TTN: variants seen among roughly 807,000 people sequenced by gnomAD.
The protein encoded by TTN is titin.
Under a neutral mutation model 3,223.0 loss-of-function variants are expected in TTN, and 1,525 were observed. That is an observed-to-expected ratio of 0.47 (90% CI 0.45 to 0.49). The LOEUF is 0.49. TTN is among the 20% of genes least tolerant of loss of function. The pLI is 0.00. For missense variants in TTN, 40,786 were observed against 43,424.0 expected (o/e 0.94, Z 5.40); for synonymous variants, 14,094 against 15,161.0 (o/e 0.93, Z 5.17).
rs1159971985 is a variant in TTN at position 178,730,921 on chromosome 2, C to G, written c.17740+4G>C. The G allele has an allele frequency of 6.3e-7, 1 of 1,590,076 alleles. No homozygotes were observed. The highest frequency in any genetic ancestry group is 8.6e-7 in the Non-Finnish European group (1 of 1,167,106). On this transcript the variant is annotated splice_donor_region_variant and intron_variant, in intron 60 of 362. Transcript: ENST00000589042. Reference sequence around the variant, plus strand: ...AATCCTCTCTGTAGAAGAACAATACCAACCTAATACATTAATTCTAGCCTT... The same window carrying G: ...AATCCTCTCTGTAGAAGAACAATACGAACCTAATACATTAATTCTAGCCTT...
At position 178,562,942 on chromosome 2, in the gene TTN, C is replaced by T. The variant is rs1229835465; in HGVS notation, c.83190G>A (p.Met27730Ile). ...AQIEVTSSFT[M>I]LVIDNVTRFD... is the part of the protein sequence containing the mutation. ...ATCTGGTAACATTATCAATCACCAA[C>T]ATTGTAAATGAGCTGGTCACCTCTA... Residue 27730 changes from methionine (M) to isoleucine (I), a missense_variant, in exon 326 of 363, where the codon ATG becomes ATA. Coordinates refer to ENST00000589042, the MANE Select transcript of TTN (RefSeq NM_001267550.2). 2 of 1,613,682 alleles carry T rather than the reference C, an allele frequency of 1.2e-6. No homozygotes were observed. The highest frequency in any genetic ancestry group is 1.7e-4 in the Middle Eastern group (1 of 6,060).
intron 224 of TTN, among the ~76,000 whole-genome samples, 190 bp downstream of exon 224, chr2:178,637,179 A>ATC (rs1318174721): frequency 7.8e-6 from 1 of 128,094 alleles, no homozygotes; most frequent in African/African-American, 3.2e-5. Context: ...ATATATATAT[A>ATC]TATATATATA....
At chr2:178,540,814 AAAAG>A (rs1694093855) in intron 350 of TTN, among the ~76,000 whole-genome samples, 1 of 152,146 alleles carries the variant, frequency 6.6e-6, no homozygotes, top group Admixed American at 6.5e-5. Context: ...ACAAAAAAAC[AAAAG>A]AAAGAAAAAA....
At chr2:178,640,173 A>G in intron 221 of TTN, 63 bp from the exon 222 acceptor site, 1 of 1,505,384 alleles carries the variant, frequency 6.6e-7, no homozygotes, top group Non-Finnish European at 9.1e-7. Flanking sequence ...CACAAAGTCA[A>G]AACTAAAATT....
rs1309076892 is a variant in TTN, at chr2:178,653,315, T to C, written c.38714A>G (p.Glu12905Gly). 6.2e-7 allele frequency: 1 copy of C among 1,612,258 alleles called. No homozygotes were observed. Among genetic ancestry groups the C allele is most frequent in the East Asian group, 2.2e-5 (1 of 44,878 alleles). The change falls in exon 198 of 363, where the codon GAG (glutamate) becomes GGG (glycine). Residue 12905 changes from glutamate to glycine, a missense_variant. Glu to Gly is a moderately conservative substitution (Grantham distance 98, BLOSUM62 -2). Transcript: ENST00000589042. ...TTCAAGGACAACTTCTTTGGGAGCCTCTGGCACTTAAAAGATATTAGTAAA... is the reference window on the plus strand; with the variant it reads ...TTCAAGGACAACTTCTTTGGGAGCCCCTGGCACTTAAAAGATATTAGTAAA... ...KPEVPPVTVP[E>G]APKEVVLEKK...
chr2:178,590,310 T>C lies in TTN; in HGVS notation c.61415A>G (p.His20472Arg), dbSNP rs2154184302. The C allele has an allele frequency of 6.4e-7, 1 of 1,570,712 alleles. No homozygotes were observed. Among genetic ancestry groups the C allele is most frequent in the Non-Finnish European group, 8.6e-7 (1 of 1,159,012 alleles). Residue 20472 changes from histidine (H) to arginine (R), a missense_variant, in exon 304 of 363, where the codon CAT (histidine) becomes CGT (arginine). Coordinates refer to ENST00000589042, the MANE Select transcript of TTN (RefSeq NM_001267550.2). ...AESVIAKDIL[H>R]PPEVELDVTC... ...AACATCAAGTTCTACTTCTGGAGGA[T>C]GAAGGATATCTTTTGCAATCACAGA...
chr2:178,792,388 G>C (rs1414064479), intron 9 of TTN, among the ~76,000 whole-genome samples, 191 bp from the exon 10 acceptor site: 1 of 152,154 alleles, frequency 6.6e-6, no homozygotes, highest in Non-Finnish European at 1.5e-5. Flanking sequence ...TGTAAATTAT[G>C]TAGGCTGCTT....
At chr2:178,556,314 C>T in intron 330 of TTN, 1 of 156,704 alleles carries the variant, frequency 6.4e-6, no homozygotes, top group Non-Finnish European at 1.4e-5. Context: ...GCCTGTAATC[C>T]CAGCTACTCA....
rs755373497 is a variant in TTN at position 178,782,949 on chromosome 2, G to A, written c.2957C>T (p.Ser986Phe). 2 of 1,614,152 alleles carry A rather than the reference G, an allele frequency of 1.2e-6. No individual in the cohort carries two copies. Among genetic ancestry groups the A allele is most frequent in the South Asian group, 1.1e-5 (1 of 91,078 alleles). ...WYREDYQIES[S>F]IDFQITFQSG... ...CTGGAAGGTTATCTGGAAGTCAATG[G>A]AACTTTCGATTTGGTAGTCTTCCCT... Residue 986 changes from serine (S) to phenylalanine (F), a missense_variant, in exon 18 of 363, where the codon TCC (serine) becomes TTC (phenylalanine). Transcript: ENST00000589042.
intron 168 of TTN, 61 bp downstream of exon 168, chr2:178,664,399 A>C (rs2065478623): frequency 7.7e-7 from 1 of 1,297,772 alleles, no homozygotes; most frequent in African/African-American, 1.5e-5. Context: ...AAAACTAGAA[A>C]GGTGGTCCTT....
chr2:178,591,270 G>A lies in TTN; in HGVS notation c.60455C>T (p.Thr20152Ile), dbSNP rs2050136717. The A allele has an allele frequency of 6.8e-6, 11 of 1,613,244 alleles. No homozygotes were observed. Among genetic ancestry groups the A allele is most frequent in the Non-Finnish European group, 8.5e-6 (10 of 1,179,494 alleles). Residue 20152 changes from threonine to isoleucine, a missense_variant, in exon 304 of 363, where the codon ACA becomes ATA. Coordinates refer to ENST00000589042, the MANE Select transcript of TTN (RefSeq NM_001267550.2). ...TTTGCTACCGGCTGCATTGGAAACT[G>A]TGATTTGATATTCCCCAGTGTCTCT... ...LRRDTGEYQI[T>I]VSNAAGSKTV...
Position 178,573,645 on chromosome 2 carries a change from G to A in TTN, c.72487C>T (p.Arg24163Cys), listed in dbSNP as rs778284888. Residue 24163 changes from arginine (R) to cysteine (C), a missense_variant, in exon 326 of 363, where the codon CGT becomes TGT. Transcript: ENST00000589042. Reference sequence around the variant, plus strand: ...GTCCATGCCAATCTGCTGGTTTCACGTTTCTGTACTATGTAATGATCAATT... The same window carrying A: ...GTCCATGCCAATCTGCTGGTTTCACATTTCTGTACTATGTAATGATCAATT... ...AKIDHYIVQKRETSRLAWTNV... is the reference protein window; with the variant it reads ...AKIDHYIVQKCETSRLAWTNV... The A allele has an allele frequency of 1.4e-5, 21 of 1,501,836 alleles. No individual in the cohort carries two copies. The highest frequency in any genetic ancestry group is 4.6e-5 in the East Asian group (2 of 43,572). The allele number at this position is 1,501,836 out of a possible 1,614,324, so 93.0% of individuals were successfully genotyped here.
Position 178,730,573 on chromosome 2 carries a change from C to T in TTN, c.17960G>A (p.Gly5987Glu). 1 of 1,613,556 alleles carries T rather than the reference C, an allele frequency of 6.2e-7. No homozygotes were observed. Among genetic ancestry groups the T allele is most frequent in the South Asian group, 1.1e-5 (1 of 91,066 alleles). Residue 5987 changes from glycine to glutamate, a missense_variant, in exon 61 of 363, where the codon GGG becomes GAG. Transcript: ENST00000589042. ...EISQLEGTDS[G>E]TYTCSATNKA... Reference sequence around the variant, plus strand: ...ATTTGTGGCAGAACAAGTGTATGTCCCACTGTCTGTACCTTCCAGCTGGCT... The same window carrying T: ...ATTTGTGGCAGAACAAGTGTATGTCTCACTGTCTGTACCTTCCAGCTGGCT...
At chr2:178,681,517 AAAGTT>A in intron 136 of TTN, 67 bp from the exon 137 acceptor site, 2 of 1,491,896 alleles carry the variant, frequency 1.3e-6, no homozygotes, top group Non-Finnish European at 1.8e-6. Flanking sequence ...GCAAGAACAA[AAAGTT>A]AAGAAAGACA....
intron 10 of TTN, 86 bp from the exon 11 acceptor site, chr2:178,790,931 A>G (rs947599152): frequency 2.0e-6 from 3 of 1,514,440 alleles, no homozygotes; most frequent in Admixed American, 3.5e-5. Context: ...AGGAAAATAC[A>G]GGATGCTTAG....
rs72648976 is a variant in TTN, at chr2:178,719,230, T to A, written c.24160A>T (p.Ile8054Leu). The change falls in exon 83 of 363, where the codon ATA becomes TTA. Residue 8054 changes from isoleucine to leucine, a missense_variant. By Grantham distance (5) the Ile-to-Leu change is conservative. Coordinates refer to ENST00000589042, the MANE Select transcript of TTN (RefSeq NM_001267550.2). ...ACATTGGCAGCCACACACGTGTATA[T>A]GCCTGTGTCGGAGGGCTCCAACAAG... Reference protein sequence around the residue: ...LSLLEPSDTGIYTCVAANVAG... With the variant: ...LSLLEPSDTGLYTCVAANVAG... 1.1e-3 allele frequency: 1,847 copies of A among 1,613,758 alleles called. 26 individuals carry two copies. The African/African-American group carries it at 0.023, about 20-fold the overall frequency.
Position 178,715,165 on chromosome 2 carries a change from A to T in TTN, c.26021T>A (p.Val8674Asp). 6.2e-7 allele frequency: 1 copy of T among 1,613,768 alleles called. No individual in the cohort carries two copies. Among genetic ancestry groups the T allele is most frequent in the Non-Finnish European group, 8.5e-7 (1 of 1,179,716 alleles). ...CELQGTPPFH[V>D]SWYKDKRELR... ...TTCTCTCTTGTCTTTATACCAAGAAACGTGAAATGGGGGAGTGCCCTGAAG... is the reference window on the plus strand; with the variant it reads ...TTCTCTCTTGTCTTTATACCAAGAATCGTGAAATGGGGGAGTGCCCTGAAG... Residue 8674 changes from valine (V) to aspartate (D), a missense_variant, in exon 90 of 363, where the codon GTT becomes GAT. Transcript: ENST00000589042.
chr2:178,651,194 T>A, intron 208 of TTN, 49 bp downstream of exon 208: 2 of 1,477,772 alleles, frequency 1.4e-6, no homozygotes, highest in South Asian at 1.2e-5. Context: ...AGGTGACTTA[T>A]TAGACAAGGG....
intron 8 of TTN, 133 bp from the exon 9 acceptor site, chr2:178,793,674 C>G (rs906209419): frequency 2.7e-4 from 331 of 1,238,322 alleles, no homozygotes; most frequent in Non-Finnish European, 3.3e-5. Flanking sequence ...GTGGCGCACA[C>G]CTGTAATCCC....
Sources: allele counts gnomAD v4.1 joint callset (sites outside exome capture counted in the v4.1 genomes callset), GRCh38; gene constraint gnomAD v4.1.1; transcripts MANE v1.5; gene names NCBI Gene and HGNC (gene_info 2026-07-23, HGNC 2026-07-21).